Variants in B4GALNT3 observed in about 807,000 individuals in gnomAD.
B4GALNT3 encodes beta-1,4-N-acetyl-galactosaminyltransferase 3, also known as beta-1,4-N-acetylgalactosaminyltransferase 3.
B4GALNT3 carries 86 observed loss-of-function variants against 120.2 expected under a neutral mutation model. The ratio of observed to expected loss-of-function variants is 0.72; its 90% CI spans 0.60 to 0.86. The LOEUF is 0.86. B4GALNT3 is among the 40% of genes least tolerant of loss of function. The pLI, the probability that B4GALNT3 is intolerant of heterozygous loss-of-function variation, is 0.00. For synonymous variants in B4GALNT3, 518 were observed against 510.4 expected (o/e 1.01, Z -0.20); for missense variants, 1,167 against 1,298.9 (o/e 0.90, Z 1.56).
At chr12:462,528 G>T (rs1024275862) in intron 1 of B4GALNT3, among the ~76,000 whole-genome samples, 1 of 151,360 alleles carries the variant, frequency 6.6e-6, no homozygotes, top group Non-Finnish European at 1.5e-5. Flanking sequence ...CTCTCTGACT[G>T]GGTTTCCTTA....
intron 1 of B4GALNT3, among the ~76,000 whole-genome samples, chr12:463,420 A>G (rs1210885541): frequency 2.0e-5 from 3 of 152,176 alleles, no homozygotes; most frequent in Admixed American, 1.3e-4. Context: ...CAAATAGAAA[A>G]TTGACAAAAG....
chr12:521,886 G>GAACT (rs1946713563), intron 1 of B4GALNT3, among the ~76,000 whole-genome samples: 1 of 152,100 alleles, frequency 6.6e-6, no homozygotes, highest in African/African-American at 2.4e-5. Flanking sequence ...GGATGTGTTG[G>GAACT]AACTGCTGAT....
chr12:544,268 C>A, intron 3 of B4GALNT3, 71 bp from the exon 4 acceptor site: 1 of 1,464,278 alleles, frequency 6.8e-7, no homozygotes. Flanking sequence ...TGCTCATCCC[C>A]CTGGAGCTGA....
At chr12:554,341 C>T (rs547804601) in intron 14 of B4GALNT3, among the ~76,000 whole-genome samples, 3 of 152,322 alleles carry the variant, frequency 2.0e-5, no homozygotes, top group African/African-American at 7.2e-5. Flanking sequence ...CAAATTAAGA[C>T]CCTGCATGTG....
chr12:540,609 A>G (rs12811910), intron 3 of B4GALNT3: 31,519 of 152,184 alleles, frequency 0.21, 4,009 homozygotes, highest in African/African-American at 0.36. Flanking sequence ...CAGGGTTTTG[A>G]TGTGGGTGGA....
intron 1 of B4GALNT3, among the ~76,000 whole-genome samples, chr12:473,924 A>AT (rs1296023736): frequency 1.3e-5 from 2 of 152,136 alleles, no homozygotes; most frequent in Non-Finnish European, 2.9e-5. Flanking sequence ...AGCTTGGAGG[A>AT]TGAGGGGGCT....
chr12:514,568 G>T (rs1946633813), intron 1 of B4GALNT3, among the ~76,000 whole-genome samples: 1 of 152,134 alleles, frequency 6.6e-6, no homozygotes, highest in East Asian at 1.9e-4. Flanking sequence ...GAAGGTTGTT[G>T]CACTGTCAAC....
intron 1 of B4GALNT3, among the ~76,000 whole-genome samples, chr12:521,622 T>A (rs1029956737): frequency 6.6e-6 from 1 of 152,228 alleles, no homozygotes; most frequent in Non-Finnish European, 1.5e-5. Context: ...CTGAGTGACA[T>A]GGTCCTGCCA....
At position 534,088 on chromosome 12, in the gene B4GALNT3, G is replaced by T. The variant is rs1946834892; in HGVS notation, c.170-1078G>T. 2.0e-5 allele frequency among the ~76,000 whole-genome samples: 3 copies of T among 152,220 alleles called. No homozygotes were observed. The South Asian group carries it at 6.2e-4, about 32-fold the overall frequency. ...GCAGTGCCCAGCGCAGCATCCTGGG[G>T]ACATCGTGGTGAAGCTGTTGAGGGA... On this transcript the variant is annotated intron_variant, in intron 1 of 19. Coordinates refer to ENST00000266383, the MANE Select transcript of B4GALNT3 (RefSeq NM_173593.4).
intron 1 of B4GALNT3, among the ~76,000 whole-genome samples, chr12:466,984 C>T (rs1290189775): frequency 2.6e-5 from 4 of 151,994 alleles, no homozygotes; most frequent in Middle Eastern, 3.4e-3. Context: ...CCCAGTACCC[C>T]GGTGGGGGCG....
At chr12:508,432 A>G (rs945810375) in intron 1 of B4GALNT3, among the ~76,000 whole-genome samples, 18 of 152,158 alleles carry the variant, frequency 1.2e-4, no homozygotes, top group Non-Finnish European at 2.9e-5. Context: ...GGTGTGTGCC[A>G]CCATGCCTGG....
chr12:484,987 G>A (rs1243876745), intron 1 of B4GALNT3, among the ~76,000 whole-genome samples: 1 of 152,138 alleles, frequency 6.6e-6, no homozygotes, highest in Non-Finnish European at 1.5e-5. Context: ...GGTATTCCAA[G>A]AGCTATGGTG....
At chr12:511,314 G>C (rs59679012) in intron 1 of B4GALNT3, among the ~76,000 whole-genome samples, 1 of 14,246 alleles carries the variant, frequency 7.0e-5, no homozygotes, top group Non-Finnish European at 1.2e-4. Context: ...TCCACCTTCC[G>C]CCTTCTGCCT....
intron 1 of B4GALNT3, among the ~76,000 whole-genome samples, chr12:529,732 A>G (rs923391831): frequency 6.7e-5 from 10 of 150,292 alleles, no homozygotes; most frequent in African/African-American, 2.0e-4. Context: ...CTTAGGAGCA[A>G]AAGCAATACA....
chr12:512,592 A>G (rs1946598514), intron 1 of B4GALNT3, among the ~76,000 whole-genome samples: 1 of 74,946 alleles, frequency 1.3e-5, no homozygotes, highest in South Asian at 4.6e-4. Flanking sequence ...TCCACCTTCG[A>G]GCTTCCACCT....
At chr12:483,133 C>G (rs1946257791) in intron 1 of B4GALNT3, among the ~76,000 whole-genome samples, 1 of 152,030 alleles carries the variant, frequency 6.6e-6, no homozygotes, top group Non-Finnish European at 1.5e-5. Flanking sequence ...TGGTCTTGAA[C>G]TCCTGGGTTC....
At position 559,423 on chromosome 12, in the gene B4GALNT3, T is replaced by G. The variant is rs759492079; in HGVS notation, c.2888+2T>G. ...GGAAGACTGGGAGCTGCTGGACAGGTGACTGGGAAGAGGAGGGCATCCACG... is the reference window on the plus strand; with the variant it reads ...GGAAGACTGGGAGCTGCTGGACAGGGGACTGGGAAGAGGAGGGCATCCACG... On this transcript the variant is annotated splice_donor_variant, in intron 19 of 19. Coordinates refer to ENST00000266383, the MANE Select transcript of B4GALNT3 (RefSeq NM_173593.4). LOFTEE classifies it high-confidence loss of function. 1 of 1,612,972 alleles carries G rather than the reference T, an allele frequency of 6.2e-7. No homozygotes were observed. The highest frequency in any genetic ancestry group is 1.3e-5 in the African/African-American group (1 of 74,740).
chr12:496,833 A>G (rs1282587302), intron 1 of B4GALNT3, among the ~76,000 whole-genome samples: 1 of 152,156 alleles, frequency 6.6e-6, no homozygotes, highest in Non-Finnish European at 1.5e-5. Context: ...ACTTAGCATG[A>G]CGTTTTCAAA....
intron 1 of B4GALNT3, among the ~76,000 whole-genome samples, chr12:461,906 G>T (rs1946026388): frequency 6.6e-6 from 1 of 152,154 alleles, no homozygotes; most frequent in Admixed American, 6.6e-5. Flanking sequence ...GTGAAAATGA[G>T]GCCTTTGGTC....
Sources: gnomAD v4.1 joint callset for allele counts (sites outside exome capture counted in the v4.1 genomes callset) on GRCh38, gnomAD v4.1.1 for gene constraint, MANE v1.5 for transcripts, NCBI Gene and HGNC (gene_info 2026-07-23, HGNC 2026-07-21) for gene names.